POMT1: variants seen among roughly 807,000 people sequenced by gnomAD.
The protein encoded by POMT1 is protein O-mannosyl-transferase 1.
POMT1 carries 85 observed loss-of-function variants against 101.6 expected under a neutral mutation model. The ratio of observed to expected loss-of-function variants is 0.84; its 90% CI spans 0.70 to 1.00. The LOEUF (loss-of-function observed/expected upper bound fraction) is 1.00. POMT1 is among the 50% of genes least tolerant of loss of function. POMT1 has a pLI of 0.00. For missense variants in POMT1, 857 were observed against 930.4 expected, an observed-to-expected ratio of 0.92 and a Z score of 1.03; for synonymous variants, 371 against 383.0, an observed-to-expected ratio of 0.97 and a Z score of 0.37.
At chr9:131,506,722 G>T (rs942430670) in intron 4 of POMT1, 3 of 509,722 alleles carry the variant, frequency 5.9e-6, no homozygotes, top group Non-Finnish European at 1.1e-5. Context: ...GCGTCTGATT[G>T]TGATGATCGG....
Position 131,522,123 on chromosome 9 carries a change from G to C in POMT1, c.1902G>C (p.Leu634=). ...GWAVNYLPFF[L]MEKTLFLYHY... is the part of the protein sequence containing the mutation. The stretch of plus-strand genomic sequence containing the variant: ...CAGTGAACTACCTCCCGTTCTTCCT[G>C]ATGGAGAAGACACTCTTCCTCTACC... Residue 634 remains leucine, a synonymous_variant, in exon 19 of 20, where the codon CTG becomes CTC. Transcript: ENST00000402686. The surrounding 1 kb of genome is among the most constrained non-coding windows in gnomAD (Gnocchi z 5.5). 1.9e-6 allele frequency: 3 copies of C among 1,614,138 alleles called. No homozygotes were observed. Among genetic ancestry groups the C allele is most frequent in the Admixed American group, 1.7e-5 (1 of 60,026 alleles).
rs772578640 is a variant in POMT1 at position 131,518,241 on chromosome 9, C to A, written c.1273-204C>A. The A allele has an allele frequency of 1.9e-5, 13 of 688,980 alleles. No individual in the cohort carries two copies. In the African/African-American group the frequency reaches 2.1e-4, roughly 11 times the overall value. The allele number at this position is 688,980 out of a possible 1,614,324, so 42.7% of individuals were successfully genotyped here. A position where few individuals can be genotyped will look rare whatever the true frequency, so the allele number is the denominator to read the frequency against. On this transcript the variant is annotated intron_variant, in intron 13 of 19. Transcript: ENST00000402686. Reference sequence around the variant, plus strand: ...CCTTGGCGAGGAGGAGGGTGCACTTCCCCAGCGACCCTCGGAGCAGCCCGG... The same window carrying A: ...CCTTGGCGAGGAGGAGGGTGCACTTACCCAGCGACCCTCGGAGCAGCCCGG...
intron 13 of POMT1, among the ~76,000 whole-genome samples, chr9:131,518,054 GAC>G (rs1425710096): frequency 6.6e-6 from 1 of 152,378 alleles, no homozygotes; most frequent in Non-Finnish European, 1.5e-5. Context: ...GTCTGGCAGG[GAC>G]AGTGTCTGGC....
intron 11 of POMT1, 103 bp from the exon 12 acceptor site, chr9:131,513,136 A>C (rs1947494349): frequency 1.6e-5 from 15 of 935,038 alleles, no homozygotes; most frequent in Non-Finnish European, 3.4e-6. Flanking sequence ...ATGGGTTGGG[A>C]GGCAGTCTCA....
intron 13 of POMT1, 67 bp downstream of exon 13, chr9:131,515,589 T>C: frequency 6.8e-7 from 1 of 1,465,718 alleles, no homozygotes; most frequent in Non-Finnish European, 9.5e-7. Flanking sequence ...ACGGAGCACT[T>C]CCTCACCCGG....
At chr9:131,514,604 C>G (rs1336696024) in intron 12 of POMT1, among the ~76,000 whole-genome samples, 2 of 152,238 alleles carry the variant, frequency 1.3e-5, no homozygotes, top group African/African-American at 4.8e-5. Flanking sequence ...TGCTCCTAGA[C>G]AGTGCCAGGT....
In POMT1 at chr9:131,522,980, C is replaced by G; in HGVS notation, c.2052C>G (p.Tyr684Ter). 6.2e-7 allele frequency: 1 copy of G among 1,604,710 alleles called. No homozygotes were observed. ...SIFSALVVAW[Y>*]SSACHVSNTL... ...TCAGCGCCCTGGTGGTGGCCTGGTA[C>G]TCCTCCGCGTGCCACGTGTCCAACA... Residue 684 changes from tyrosine to a stop codon, truncating the protein, a stop_gained, in exon 20 of 20, where the codon TAC (tyrosine) becomes TAG (stop). Coordinates refer to ENST00000402686, the MANE Select transcript of POMT1 (RefSeq NM_001077365.2). LOFTEE classifies it high-confidence loss of function. This position sits in a 1 kb window ranked among gnomAD's most constrained non-coding sequence, Gnocchi z 5.5.
At position 131,523,244 on chromosome 9, in the gene POMT1, A is replaced by C. The variant is rs1564396551; in HGVS notation, c.*138A>C. The C allele has an allele frequency of 9.6e-7, 1 of 1,038,714 alleles. No individual in the cohort carries two copies. The highest frequency in any genetic ancestry group is 1.6e-5 in the African/African-American group (1 of 63,062). The allele number at this position is 1,038,714 out of a possible 1,614,324, so 64.3% of individuals were successfully genotyped here. A position where few individuals can be genotyped will look rare whatever the true frequency, so the allele number is the denominator to read the frequency against. On this transcript the variant is annotated 3_prime_UTR_variant, in exon 20 of 20. Transcript: ENST00000402686. ...CTGAGCAGGGCCTCTAGTGGAACACATGGGGGTCTCATTGAAAAGCTCTCT... is the reference window on the plus strand; with the variant it reads ...CTGAGCAGGGCCTCTAGTGGAACACCTGGGGGTCTCATTGAAAAGCTCTCT...
intron 4 of POMT1, 69 bp downstream of exon 4, chr9:131,506,522 G>C: frequency 6.8e-7 from 1 of 1,466,722 alleles, no homozygotes; most frequent in Non-Finnish European, 9.6e-7. Context: ...ACTTTTGTAA[G>C]GATTAACAAC....
chr9:131,512,508 A>C (rs1947337370), intron 11 of POMT1, among the ~76,000 whole-genome samples: 2 of 152,082 alleles, frequency 1.3e-5, no homozygotes, highest in Admixed American at 1.3e-4. Flanking sequence ...TTCTGCCCCC[A>C]AACAAGGTCT....
At chr9:131,511,597 G>A in intron 10 of POMT1, 130 bp downstream of exon 10, 1 of 1,278,226 alleles carries the variant, frequency 7.8e-7, no homozygotes, top group Admixed American at 2.0e-5. Flanking sequence ...CAGCCCGGGT[G>A]CTGATTGCCA....
intron 2 of POMT1, among the ~76,000 whole-genome samples, chr9:131,505,297 A>ATTTTTT (rs34623621): frequency 9.5e-5 from 13 of 137,516 alleles, no homozygotes; most frequent in African/African-American, 3.2e-4. Flanking sequence ...AAAGATGAGG[A>ATTTTTT]TTTTTTTTTT....
intron 10 of POMT1, 104 bp downstream of exon 10, chr9:131,511,571 A>G (rs1408836948): frequency 6.6e-7 from 1 of 1,517,596 alleles, no homozygotes; most frequent in Non-Finnish European, 9.0e-7. Context: ...TGTTTGCAGG[A>G]CAGAAAGAAG....
chr9:131,508,303 C>T (rs1485228490), intron 5 of POMT1, among the ~76,000 whole-genome samples: 6 of 151,846 alleles, frequency 4.0e-5, no homozygotes, highest in Non-Finnish European at 5.9e-5. Flanking sequence ...GAGGCTGAGG[C>T]GGGTGGATCA....
At chr9:131,511,941 G>A in intron 10 of POMT1, 100 bp from the exon 11 acceptor site, 1 of 1,248,148 alleles carries the variant, frequency 8.0e-7, no homozygotes. Flanking sequence ...AAACTCCTGG[G>A]CTCAAGCAGT....
At chr9:131,515,333 C>A in intron 12 of POMT1, 93 bp from the exon 13 acceptor site, 1 of 1,350,778 alleles carries the variant, frequency 7.4e-7, no homozygotes, top group Non-Finnish European at 1.1e-6. Flanking sequence ...GGCTTTGTTT[C>A]TGAAAAGCAA....
Position 131,515,410 on chromosome 9 carries a change from G to A in POMT1, c.1176-16G>A, listed in dbSNP as rs199684856. 347 of 1,612,880 alleles carry A rather than the reference G, an allele frequency of 2.2e-4. No individual in the cohort carries two copies. Among genetic ancestry groups the A allele is most frequent in the Non-Finnish European group, 2.7e-4 (323 of 1,178,880 alleles). On this transcript the variant is annotated splice_polypyrimidine_tract_variant and intron_variant, in intron 12 of 19. Coordinates refer to ENST00000402686, the MANE Select transcript of POMT1 (RefSeq NM_001077365.2). ...AGTTCAAGGAATTTTCTGAAATCTCGGTCTTGGTTTTCCAGGCATGATGTT... is the reference window on the plus strand; with the variant it reads ...AGTTCAAGGAATTTTCTGAAATCTCAGTCTTGGTTTTCCAGGCATGATGTT...
intron 17 of POMT1, 117 bp from the exon 18 acceptor site, chr9:131,521,229 G>T (rs1208596575): frequency 7.0e-7 from 1 of 1,419,594 alleles, no homozygotes; most frequent in Non-Finnish European, 9.9e-7. Flanking sequence ...GGCTGTGCCT[G>T]GCGTTTTTTC....
chr9:131,512,220 C>T (rs538292520), intron 11 of POMT1, 84 bp downstream of exon 11: 1 of 1,560,048 alleles, frequency 6.4e-7, no homozygotes, highest in Non-Finnish European at 8.7e-7. Context: ...CCTGGGCCCC[C>T]TTCTTTCCCT....
Sources: allele counts gnomAD v4.1 joint callset (sites outside exome capture counted in the v4.1 genomes callset), GRCh38; gene constraint gnomAD v4.1.1; non-coding constraint Gnocchi (gnomAD v3.1); transcripts MANE v1.5; gene names NCBI Gene and HGNC (gene_info 2026-07-23, HGNC 2026-07-21).